Variants in CPA6 observed in about 807,000 individuals in gnomAD.
The protein encoded by CPA6 is carboxypeptidase B.
In CPA6, 58 loss-of-function variants were observed where a neutral mutation model predicts 63.3. That is an observed-to-expected ratio of 0.92 (90% CI 0.74 to 1.14). CPA6 has a LOEUF of 1.14. Among genes scored for constraint, CPA6 ranks in the 50% most tolerant of loss-of-function variants. CPA6 has a pLI of 0.00. For synonymous variants in CPA6, 185 were observed against 179.0 expected (o/e 1.03, Z -0.27); for missense variants, 565 against 526.6 (o/e 1.07, Z -0.71).
chr8:67,584,617 AG>A (rs1813875518), intron 2 of CPA6, among the ~76,000 whole-genome samples: 2 of 152,170 alleles, frequency 1.3e-5, no homozygotes, highest in Non-Finnish European at 2.9e-5. Flanking sequence ...TTTCTATTAA[AG>A]GGTAGAAGCA....
intron 2 of CPA6, among the ~76,000 whole-genome samples, chr8:67,615,320 C>A (rs550945455): frequency 4.9e-4 from 74 of 152,284 alleles, no homozygotes; most frequent in African/African-American, 1.7e-3. Context: ...TGATAGAAAA[C>A]CTCTCAGTCA....
intron 8 of CPA6, among the ~76,000 whole-genome samples, chr8:67,448,091 C>T (rs1465396747): frequency 6.6e-6 from 1 of 152,172 alleles, no homozygotes; most frequent in Non-Finnish European, 1.5e-5. Context: ...GGCCAATTGG[C>T]CTTCCTTACT....
intron 6 of CPA6, among the ~76,000 whole-genome samples, chr8:67,504,791 G>A (rs1287291784): frequency 6.6e-6 from 1 of 152,178 alleles, no homozygotes; most frequent in Non-Finnish European, 1.5e-5. Context: ...AGTGGAGGAG[G>A]AAATGGCAGC....
chr8:67,723,943 T>C (rs1399007861), intron 1 of CPA6, among the ~76,000 whole-genome samples: 1 of 152,212 alleles, frequency 6.6e-6, no homozygotes, highest in East Asian at 1.9e-4. Context: ...TCTATTGCTC[T>C]TTTCCTTACA....
chr8:67,581,297 T>C (rs913832883), intron 2 of CPA6, among the ~76,000 whole-genome samples: 5 of 152,192 alleles, frequency 3.3e-5, no homozygotes, highest in Non-Finnish European at 7.3e-5. Flanking sequence ...AACATGAATG[T>C]ACTATGTACT....
intron 8 of CPA6, among the ~76,000 whole-genome samples, chr8:67,437,045 T>C (rs978399206): frequency 2.0e-5 from 3 of 152,176 alleles, no homozygotes; most frequent in Non-Finnish European, 4.4e-5. Flanking sequence ...TTGAATCTCA[T>C]CCTGGAGATG....
At position 67,428,099 on chromosome 8, in the gene CPA6, A is replaced by G; in HGVS notation, c.1074T>C (p.Leu358=). 6.2e-7 allele frequency: 1 copy of G among 1,613,224 alleles called. No individual in the cohort carries two copies. The highest frequency in any genetic ancestry group is 8.5e-7 in the Non-Finnish European group (1 of 1,179,324). ...ESAAYKAVNA[L]QSVYGVRYRY... is the part of the protein sequence containing the mutation. ...TGTATCGTACCCCGTATACTGACTG[A>G]AGTGCATTCACAGCTTTATAAGCTG... The change falls in exon 10 of 11, where the codon CTT becomes CTC. Residue 358 remains leucine, a synonymous_variant. Transcript: ENST00000297770.
At chr8:67,694,761 G>C (rs542420269) in intron 1 of CPA6, among the ~76,000 whole-genome samples, 2 of 152,194 alleles carry the variant, frequency 1.3e-5, no homozygotes, top group Non-Finnish European at 2.9e-5. Flanking sequence ...CAGCTGCAGC[G>C]CTACAGCCCC....
intron 1 of CPA6, among the ~76,000 whole-genome samples, chr8:67,647,776 C>G (rs1815745780): frequency 1.3e-5 from 2 of 152,108 alleles, no homozygotes; most frequent in Non-Finnish European, 2.9e-5. Flanking sequence ...GTCAATGTAC[C>G]TGGAGAGACT....
At chr8:67,520,832 G>A (rs930768004) in intron 2 of CPA6, among the ~76,000 whole-genome samples, 22 of 152,320 alleles carry the variant, frequency 1.4e-4, no homozygotes, top group Admixed American at 9.8e-4. Context: ...AGGATCTTCC[G>A]AGAATATGCC....
chr8:67,703,490 T>A (rs1008160054), intron 1 of CPA6, among the ~76,000 whole-genome samples: 4 of 152,250 alleles, frequency 2.6e-5, no homozygotes, highest in African/African-American at 9.6e-5. Flanking sequence ...TCTCTGTGGG[T>A]ATTCTGAAAT....
intron 8 of CPA6, among the ~76,000 whole-genome samples, chr8:67,438,715 G>C (rs1176261565): frequency 6.6e-6 from 1 of 152,058 alleles, no homozygotes; most frequent in African/African-American, 2.4e-5. Context: ...AAAGTGGGGG[G>C]GCGAAGTATA....
intron 10 of CPA6, among the ~76,000 whole-genome samples, chr8:67,423,241 T>C (rs1325413953): frequency 2.0e-5 from 3 of 152,156 alleles, no homozygotes; most frequent in Non-Finnish European, 2.9e-5. Flanking sequence ...CGCGCCACCA[T>C]GCCCAGCTAA....
intron 1 of CPA6, among the ~76,000 whole-genome samples, chr8:67,661,782 G>A: frequency 6.6e-6 from 1 of 152,092 alleles, no homozygotes; most frequent in Non-Finnish European, 1.5e-5. Context: ...TTCTTCCCAG[G>A]CCCTGGCAAC....
intron 6 of CPA6, among the ~76,000 whole-genome samples, chr8:67,493,618 C>A (rs1410848948): frequency 2.0e-5 from 3 of 152,178 alleles, no homozygotes; most frequent in African/African-American, 7.2e-5. Flanking sequence ...CTAGGACTAG[C>A]CATCACTGCA....
chr8:67,504,101 A>C (rs972893107), intron 6 of CPA6, among the ~76,000 whole-genome samples: 1 of 152,184 alleles, frequency 6.6e-6, no homozygotes, highest in African/African-American at 2.4e-5. Context: ...CATTAAGATA[A>C]CACAGACAGT....
At chr8:67,423,644 G>C (rs1353236436) in intron 10 of CPA6, among the ~76,000 whole-genome samples, 1 of 152,170 alleles carries the variant, frequency 6.6e-6, no homozygotes, top group Non-Finnish European at 1.5e-5. Context: ...AGGTGAGGGA[G>C]CTAGAGAAAG....
At chr8:67,709,486 C>T (rs866573453) in intron 1 of CPA6, among the ~76,000 whole-genome samples, 1 of 152,186 alleles carries the variant, frequency 6.6e-6, no homozygotes, top group Admixed American at 6.5e-5. Flanking sequence ...TTTGTCACTA[C>T]TAACAATGAT....
intron 1 of CPA6, among the ~76,000 whole-genome samples, chr8:67,695,623 C>T (rs2128997929): frequency 6.6e-6 from 1 of 152,326 alleles, no homozygotes; most frequent in South Asian, 2.1e-4. Context: ...GGCTCACGCT[C>T]ATGGAATTCA....
Sources: allele counts gnomAD v4.1 joint callset (sites outside exome capture counted in the v4.1 genomes callset), GRCh38; gene constraint gnomAD v4.1.1; transcripts MANE v1.5; gene names NCBI Gene and HGNC (gene_info 2026-07-23, HGNC 2026-07-21).